The following KLHL32 variants were observed in gnomAD, a reference collection of about 807,000 sequenced individuals.
The protein encoded by KLHL32 is kelch-like protein 32.
Under a neutral mutation model 64.8 loss-of-function variants are expected in KLHL32, and 35 were observed. The ratio of observed to expected loss-of-function variants is 0.54; its 90% CI spans 0.41 to 0.72. The LOEUF (loss-of-function observed/expected upper bound fraction) is 0.72. Ranked by LOEUF, KLHL32 falls within the 30% of genes least tolerant of loss-of-function variation. The pLI is 0.00. For missense variants in KLHL32, 589 were observed against 768.5 expected, an observed-to-expected ratio of 0.77 and a Z score of 2.76; for synonymous variants, 259 against 281.0, an observed-to-expected ratio of 0.92 and a Z score of 0.78.
Position 97,097,070 on chromosome 6 carries a change from A to G in KLHL32, c.627+11729A>G, listed in dbSNP as rs552885949. On this transcript the variant is annotated intron_variant, in intron 6 of 10. Coordinates refer to ENST00000369261, the MANE Select transcript of KLHL32 (RefSeq NM_052904.4). Reference sequence around the variant, plus strand: ...CTGTGTTTTATAACTCTGCACTGTCAGAACTCATAATAAGTCAAACATTCT... The same window carrying G: ...CTGTGTTTTATAACTCTGCACTGTCGGAACTCATAATAAGTCAAACATTCT... Among the ~76,000 whole-genome samples, 35 of 152,366 alleles carry G rather than the reference A, an allele frequency of 2.3e-4. No individual in the cohort carries two copies. The South Asian group carries it at 7.0e-3, about 31-fold the overall frequency.
intron 2 of KLHL32, among the ~76,000 whole-genome samples, chr6:96,974,098 G>A (rs994863867): frequency 2.0e-5 from 3 of 151,834 alleles, no homozygotes; most frequent in African/African-American, 4.8e-5. Flanking sequence ...TCAAAATACC[G>A]GATCTTGGAC....
At chr6:96,956,239 A>C (rs1335494692) in intron 1 of KLHL32, among the ~76,000 whole-genome samples, 1 of 152,174 alleles carries the variant, frequency 6.6e-6, no homozygotes, top group African/African-American at 2.4e-5. Context: ...GGAATTCAAG[A>C]TGAGATTTGG....
At chr6:97,122,965 C>A (rs1798514215) in intron 7 of KLHL32, among the ~76,000 whole-genome samples, 1 of 152,224 alleles carries the variant, frequency 6.6e-6, no homozygotes, top group African/African-American at 2.4e-5. Context: ...AATTTGCTGG[C>A]AGAATTCCAA....
intron 3 of KLHL32, among the ~76,000 whole-genome samples, chr6:97,028,754 A>C (rs1783095963): frequency 6.6e-6 from 1 of 152,238 alleles, no homozygotes; most frequent in African/African-American, 2.4e-5. Context: ...CTCTTCAATT[A>C]ATTCGATTCA....
intron 1 of KLHL32, among the ~76,000 whole-genome samples, chr6:96,953,344 T>G (rs1772862940): frequency 6.6e-6 from 1 of 152,182 alleles, no homozygotes; most frequent in East Asian, 1.9e-4. Flanking sequence ...AAATTTAGGT[T>G]TCTTGCCAAG....
Position 97,114,005 on chromosome 6 carries a change from C to A in KLHL32, c.850C>A (p.Pro284Thr). The A allele has an allele frequency of 6.2e-7, 1 of 1,614,216 alleles. No homozygotes were observed. Residue 284 changes from proline to threonine, a missense_variant, in exon 7 of 11, where the codon CCA becomes ACA. Coordinates refer to ENST00000369261, the MANE Select transcript of KLHL32 (RefSeq NM_052904.4). ...QPVWQTRRTK[P>T]RFQSDTLYII... Reference sequence around the variant, plus strand: ...TGTCTGGCAGACTCGCAGGACCAAACCACGATTCCAGTCAGACACTCTGTA... The same window carrying A: ...TGTCTGGCAGACTCGCAGGACCAAAACACGATTCCAGTCAGACACTCTGTA...
At chr6:97,056,734 A>G (rs571493666) in intron 4 of KLHL32, among the ~76,000 whole-genome samples, 45 of 152,214 alleles carry the variant, frequency 3.0e-4, no homozygotes, top group Non-Finnish European at 6.2e-4. Context: ...TAAATAATTC[A>G]GGCCATATAA....
rs1217476460 is a variant in KLHL32, at chr6:97,130,753, T to A, written c.1414-4T>A. The A allele has an allele frequency of 5.6e-6, 9 of 1,596,676 alleles. No homozygotes were observed. Among genetic ancestry groups the A allele is most frequent in the Non-Finnish European group, 7.7e-6 (9 of 1,172,028 alleles). Reference sequence around the variant, plus strand: ...ACAGAATACACTTAAATTTCTTTTTTCAGAATAAGTGGATAAGCCGTAGCC... The same window carrying A: ...ACAGAATACACTTAAATTTCTTTTTACAGAATAAGTGGATAAGCCGTAGCC... On this transcript the variant is annotated splice_region_variant and splice_polypyrimidine_tract_variant and intron_variant, in intron 8 of 10. Transcript: ENST00000369261.
At chr6:96,949,004 T>G (rs1193317467) in intron 1 of KLHL32, among the ~76,000 whole-genome samples, 1 of 152,190 alleles carries the variant, frequency 6.6e-6, no homozygotes, top group Admixed American at 6.6e-5. Context: ...TAAGTAAGAT[T>G]TTAGATTAAT....
intron 6 of KLHL32, among the ~76,000 whole-genome samples, chr6:97,087,975 A>T (rs1026904223): frequency 6.6e-6 from 1 of 152,100 alleles, no homozygotes; most frequent in African/African-American, 2.4e-5. Flanking sequence ...CCCCAAGATG[A>T]TGCCTTGGAA....
chr6:97,029,495 AG>A (rs1319747230), intron 3 of KLHL32, among the ~76,000 whole-genome samples: 8 of 152,118 alleles, frequency 5.3e-5, no homozygotes, highest in Admixed American at 5.2e-4. Context: ...TTACTGTTTT[AG>A]TTTGTCTTGT....
chr6:96,995,394 T>A (rs868770838), intron 3 of KLHL32, among the ~76,000 whole-genome samples: 1 of 152,192 alleles, frequency 6.6e-6, no homozygotes, highest in African/African-American at 2.4e-5. Context: ...GCTTAGAGCA[T>A]TCCAGTAGCC....
intron 3 of KLHL32, among the ~76,000 whole-genome samples, chr6:97,033,207 A>T (rs1446057401): frequency 2.0e-5 from 3 of 152,178 alleles, no homozygotes; most frequent in African/African-American, 7.2e-5. Flanking sequence ...CTGTATTATG[A>T]TATTTGCTTT....
Position 96,957,758 on chromosome 6 carries a change from A to T in KLHL32, c.-65-9238A>T, listed in dbSNP as rs938835571. 1.5e-4 allele frequency among the ~76,000 whole-genome samples: 23 copies of T among 152,310 alleles called. 2 individuals carry two copies. In the East Asian group the frequency reaches 4.4e-3, roughly 29 times the overall value. ...GTGACTGGAAGAACTTACACATTAT[A>T]TTTTAATTTGGTTCCCAAGGTCTCC... On this transcript the variant is annotated intron_variant, in intron 1 of 10. Transcript: ENST00000369261.
chr6:97,107,210 G>A (rs1231221659), intron 6 of KLHL32, among the ~76,000 whole-genome samples: 2 of 151,670 alleles, frequency 1.3e-5, no homozygotes, highest in African/African-American at 2.4e-5. Flanking sequence ...GGAGAATGGC[G>A]TGAATCCAGG....
chr6:97,100,354 A>G (rs901433190), intron 6 of KLHL32, among the ~76,000 whole-genome samples: 1 of 152,098 alleles, frequency 6.6e-6, no homozygotes, highest in African/African-American at 2.4e-5. Flanking sequence ...AAATTTATGT[A>G]TATCCTTTGC....
At chr6:96,984,130 G>A (rs12206961) in intron 3 of KLHL32, among the ~76,000 whole-genome samples, 26,065 of 152,070 alleles carry the variant, frequency 0.17, 2,990 homozygotes, top group Non-Finnish European at 0.26. Flanking sequence ...CCTTCATTTC[G>A]TTATATGCCC....
rs937150221 is a variant in KLHL32, at chr6:97,140,067, T to G, written c.*785T>G. 1 of 152,144 alleles carries G rather than the reference T, an allele frequency of 6.6e-6. No homozygotes were observed. Among genetic ancestry groups the G allele is most frequent in the Admixed American group, 6.5e-5 (1 of 15,274 alleles). The allele number at this position is 152,144 out of a possible 1,614,324, so 9.4% of individuals were successfully genotyped here. On this transcript the variant is annotated 3_prime_UTR_variant, in exon 11 of 11. Transcript: ENST00000369261. Reference sequence around the variant, plus strand: ...TTTTATTGTCTTTAGAACCTTGTAATTGAACAGGGAGATTATTTTTGAAGT... The same window carrying G: ...TTTTATTGTCTTTAGAACCTTGTAAGTGAACAGGGAGATTATTTTTGAAGT...
At chr6:97,009,031 G>A (rs1372742167) in intron 3 of KLHL32, among the ~76,000 whole-genome samples, 1 of 151,874 alleles carries the variant, frequency 6.6e-6, no homozygotes, top group Admixed American at 6.6e-5. Flanking sequence ...ATATCCTTGG[G>A]CAAGTGGCTT....
Sources: allele counts gnomAD v4.1 joint callset (sites outside exome capture counted in the v4.1 genomes callset), GRCh38; gene constraint gnomAD v4.1.1; transcripts MANE v1.5; gene names NCBI Gene and HGNC (gene_info 2026-07-23, HGNC 2026-07-21).